Variants in PCP4 observed in about 807,000 individuals in gnomAD.
PCP4 encodes the protein Purkinje cell protein 4, also known as calmodulin regulator protein PCP4.
PCP4 carries 8 observed loss-of-function variants against 10.0 expected under a neutral mutation model. The ratio of observed to expected loss-of-function variants is 0.80; its 90% CI spans 0.47 to 1.45. The LOEUF (loss-of-function observed/expected upper bound fraction) is 1.45. PCP4 is among the 40% of genes most tolerant of loss of function. The pLI, the probability that PCP4 is intolerant of heterozygous loss-of-function variation, is 0.00. For missense variants in PCP4, 54 were observed against 74.4 expected (o/e 0.73, Z 1.01); for synonymous variants, 21 against 23.0 (o/e 0.91, Z 0.24).
At chr21:39,908,924 C>T (rs2087526297) in intron 2 of PCP4, among the ~76,000 whole-genome samples, 2 of 152,216 alleles carry the variant, frequency 1.3e-5, no homozygotes, top group African/African-American at 4.8e-5. Flanking sequence ...TTTGTGACTG[C>T]AGGATCAGCT....
At chr21:39,892,412 C>A (rs958183543) in intron 1 of PCP4, among the ~76,000 whole-genome samples, 7 of 152,010 alleles carry the variant, frequency 4.6e-5, no homozygotes, top group African/African-American at 1.7e-4. Flanking sequence ...TGCCTTCAGT[C>A]TCTTGCCTTG....
At chr21:39,886,546 A>C (rs553086590) in intron 1 of PCP4, among the ~76,000 whole-genome samples, 1 of 152,324 alleles carries the variant, frequency 6.6e-6, no homozygotes, top group East Asian at 1.9e-4. Context: ...TGGAGGTTGC[A>C]GTGAGCCAAG....
chr21:39,911,955 C>G (rs971672257), intron 2 of PCP4, among the ~76,000 whole-genome samples: 3 of 152,196 alleles, frequency 2.0e-5, no homozygotes, highest in African/African-American at 7.2e-5. Flanking sequence ...TAGAAACGGC[C>G]TATTAGGTCA....
Position 39,867,496 on chromosome 21 carries a change from G to A in PCP4, c.-6G>A, listed in dbSNP as rs748111886. ...GGCGGGACTGAGCTGTTGAGTTAGA[G>A]CCAACATGAGTGAGGTGAGTGATGC... On this transcript the variant is annotated 5_prime_UTR_variant, in exon 1 of 3. Transcript: ENST00000328619. 1.9e-6 allele frequency: 3 copies of A among 1,614,060 alleles called. No individual in the cohort carries two copies. Among genetic ancestry groups the A allele is most frequent in the Admixed American group, 1.7e-5 (1 of 60,010 alleles).
intron 2 of PCP4, among the ~76,000 whole-genome samples, chr21:39,916,525 AT>A (rs67199142): frequency 2.0e-5 from 3 of 152,174 alleles, no homozygotes; most frequent in African/African-American, 7.2e-5. Flanking sequence ...TAGCTCAACC[AT>A]TATTCAACCA....
intron 1 of PCP4, among the ~76,000 whole-genome samples, chr21:39,885,355 G>A (rs867413378): frequency 6.6e-6 from 1 of 152,208 alleles, no homozygotes; most frequent in Non-Finnish European, 1.5e-5. Flanking sequence ...GCCTAGCCGC[G>A]AGCCTGAGGC....
intron 1 of PCP4, among the ~76,000 whole-genome samples, chr21:39,877,629 G>C (rs888948302): frequency 2.6e-5 from 4 of 152,068 alleles, no homozygotes; most frequent in African/African-American, 9.7e-5. Flanking sequence ...CCTGGGAGGT[G>C]GAGGTTGCAG....
At chr21:39,891,985 G>T (rs7276367) in intron 1 of PCP4, among the ~76,000 whole-genome samples, 26,996 of 152,262 alleles carry the variant, frequency 0.18, 3,123 homozygotes, top group Admixed American at 0.28. Context: ...CCGGATGACT[G>T]CAGGCAGGCC....
chr21:39,903,431 A>G (rs1462915356), intron 2 of PCP4, among the ~76,000 whole-genome samples: 1 of 152,188 alleles, frequency 6.6e-6, no homozygotes, highest in East Asian at 1.9e-4. Context: ...TGTGGGACTC[A>G]CTGTCGTTGT....
chr21:39,874,807 G>A (rs533064231), intron 1 of PCP4, among the ~76,000 whole-genome samples: 6 of 152,138 alleles, frequency 3.9e-5, no homozygotes, highest in Admixed American at 3.9e-4. Context: ...ATCTTCAGAT[G>A]CCCGGTGAAT....
At chr21:39,903,937 T>C (rs1361308083) in intron 2 of PCP4, among the ~76,000 whole-genome samples, 2 of 144,946 alleles carry the variant, frequency 1.4e-5, no homozygotes, top group African/African-American at 5.1e-5. Flanking sequence ...TTGCCAAGAA[T>C]AAATAAGATG....
chr21:39,871,580 T>C (rs2087320318), intron 1 of PCP4, among the ~76,000 whole-genome samples: 1 of 152,226 alleles, frequency 6.6e-6, no homozygotes, highest in Non-Finnish European at 1.5e-5. Flanking sequence ...CAGTTTTAGT[T>C]TCGTTGGACA....
intron 2 of PCP4, among the ~76,000 whole-genome samples, chr21:39,923,298 C>A (rs1011332857): frequency 6.6e-6 from 1 of 152,200 alleles, no homozygotes; most frequent in Non-Finnish European, 1.5e-5. Context: ...GGTCAGGCAG[C>A]CTTGATGGGC....
rs900735962 is a variant in PCP4 at position 39,906,958 on chromosome 21, G to T, written c.61+8431G>T. Among the ~76,000 whole-genome samples the T allele has an allele frequency of 3.9e-5, 6 of 152,124 alleles. No individual in the cohort carries two copies. Among genetic ancestry groups the T allele is most frequent in the African/African-American group, 1.4e-4 (6 of 41,442 alleles). On this transcript the variant is annotated intron_variant, in intron 2 of 2. Transcript: ENST00000328619. The surrounding 1 kb of genome is among the most constrained non-coding windows in gnomAD (Gnocchi z 6.3). ...CTTGAAAACACTTTTGCTCTTTTAAGTAGGTGAAACACTCATAATCTTATT... is the reference window on the plus strand; with the variant it reads ...CTTGAAAACACTTTTGCTCTTTTAATTAGGTGAAACACTCATAATCTTATT...
intron 2 of PCP4, among the ~76,000 whole-genome samples, chr21:39,908,069 C>G (rs1049585611): frequency 1.3e-5 from 2 of 151,730 alleles, no homozygotes; most frequent in African/African-American, 4.8e-5. Flanking sequence ...TTCCCAAAGA[C>G]AAAGTGGGAA....
intron 1 of PCP4, among the ~76,000 whole-genome samples, chr21:39,888,627 G>A (rs1380160140): frequency 6.6e-6 from 1 of 152,178 alleles, no homozygotes; most frequent in African/African-American, 2.4e-5. Context: ...CTCCCCCGCT[G>A]CCCCCGATGT....
At chr21:39,885,296 G>T (rs938993520) in intron 1 of PCP4, among the ~76,000 whole-genome samples, 2 of 152,234 alleles carry the variant, frequency 1.3e-5, no homozygotes, top group African/African-American at 2.4e-5. Context: ...AGTCCCAGGG[G>T]AGCCAGGGCT....
At chr21:39,876,677 G>C (rs2087347663) in intron 1 of PCP4, among the ~76,000 whole-genome samples, 1 of 152,162 alleles carries the variant, frequency 6.6e-6, no homozygotes, top group African/African-American at 2.4e-5. Flanking sequence ...TATTAGCTAT[G>C]AATGAAACCT....
At chr21:39,879,074 C>T (rs1480150295) in intron 1 of PCP4, among the ~76,000 whole-genome samples, 3 of 151,400 alleles carry the variant, frequency 2.0e-5, no homozygotes, top group African/African-American at 7.3e-5. Flanking sequence ...ACTGCAAAGT[C>T]CACCTCCTGG....
Sources: allele counts gnomAD v4.1 joint callset (sites outside exome capture counted in the v4.1 genomes callset), GRCh38; gene constraint gnomAD v4.1.1; non-coding constraint Gnocchi (gnomAD v3.1); transcripts MANE v1.5; gene names NCBI Gene and HGNC (gene_info 2026-07-23, HGNC 2026-07-21).